The following WASHC5 variants were observed in gnomAD, a reference collection of about 807,000 sequenced individuals.
WASHC5 encodes WASH complex subunit 5.
In WASHC5, 101 loss-of-function variants were observed where a neutral mutation model predicts 150.4. That is an observed-to-expected ratio of 0.67 (90% CI 0.57 to 0.79). WASHC5 has a LOEUF of 0.79. WASHC5 is among the 30% of genes least tolerant of loss of function. WASHC5 has a pLI of 0.00. For missense variants in WASHC5, 1,195 were observed against 1,396.3 expected (o/e 0.86, Z 2.30); for synonymous variants, 467 against 491.2 (o/e 0.95, Z 0.65).
chr8:125,089,879 G>C (rs1817545530), intron 1 of WASHC5, among the ~76,000 whole-genome samples: 1 of 152,092 alleles, frequency 6.6e-6, no homozygotes, highest in South Asian at 2.1e-4. Flanking sequence ...CAAATATTAT[G>C]GGTCTTTATT....
chr8:125,039,545 T>C (rs1055747978), intron 24 of WASHC5, among the ~76,000 whole-genome samples: 1 of 152,170 alleles, frequency 6.6e-6, no homozygotes, highest in African/African-American at 2.4e-5. Flanking sequence ...TATTGAATCA[T>C]GTGATCAGTA....
Position 125,078,857 on chromosome 8 carries a change from G to A in WASHC5, c.592C>T (p.Gln198Ter), listed in dbSNP as rs755605454. Residue 198 changes from glutamine (Q) to a stop codon, truncating the protein, a stop_gained, in exon 6 of 29, where the codon CAA becomes TAA. Transcript: ENST00000318410. LOFTEE classifies it high-confidence loss of function. ...TTGGATGGTCTTTTGGCACCTGGTT[G>A]GCTAGAATAACCTGTACTTCGAAGC... ...KLLRSTGYSSQPGAKRPSNYP... is the reference protein window; with the variant it reads ...KLLRSTGYSS 2 of 1,613,898 alleles carry A rather than the reference G, an allele frequency of 1.2e-6. No homozygotes were observed. The highest frequency in any genetic ancestry group is 2.2e-5 in the South Asian group (2 of 91,064).
intron 16 of WASHC5, 71 bp from the exon 17 acceptor site, chr8:125,055,742 A>G: frequency 1.0e-6 from 1 of 966,058 alleles, no homozygotes; most frequent in African/African-American, 1.6e-5. Context: ...ATAACAGGAA[A>G]AGAACTTGTA....
chr8:125,046,735 G>C (rs1456324821), intron 20 of WASHC5, among the ~76,000 whole-genome samples: 1 of 151,548 alleles, frequency 6.6e-6, no homozygotes, highest in Non-Finnish European at 1.5e-5. Flanking sequence ...ATTAGTTGTT[G>C]CTATCAAAAG....
intron 5 of WASHC5, 112 bp from the exon 6 acceptor site, chr8:125,079,042 G>A: frequency 1.2e-6 from 1 of 828,648 alleles, no homozygotes; most frequent in Non-Finnish European, 2.0e-6. Context: ...TTTCAGATAT[G>A]ATCACAGGTC....
chr8:125,075,017 AG>A lies in WASHC5; in HGVS notation c.958del (p.Leu320PhefsTer26), dbSNP rs1484203664. On this transcript the variant is annotated frameshift_variant, in exon 8 of 29. Transcript: ENST00000318410. LOFTEE classifies it high-confidence loss of function. ...AKTALNNTLD[L>X]SNVREQASRY... ...ACCTACCTGTTCTCTGACATTTGAA[AG>A]GTCCAGGGTATTATTTAAAGCAGTT... 6.2e-7 allele frequency: 1 copy of A among 1,609,250 alleles called. No homozygotes were observed. The highest frequency in any genetic ancestry group is 1.7e-5 in the Admixed American group (1 of 60,014).
chr8:125,073,065 GC>G, intron 9 of WASHC5, 87 bp downstream of exon 9: 2 of 1,423,730 alleles, frequency 1.4e-6, no homozygotes, highest in South Asian at 2.3e-5. Flanking sequence ...CTCTCTCCCT[GC>G]TAAACCACTC....
Position 125,059,236 on chromosome 8 carries a change from C to A in WASHC5, c.1750G>T (p.Ala584Ser). 3.7e-6 allele frequency: 6 copies of A among 1,613,512 alleles called. No individual in the cohort carries two copies. The highest frequency in any genetic ancestry group is 5.1e-6 in the Non-Finnish European group (6 of 1,179,472). The change falls in exon 14 of 29, where the codon GCT becomes TCT. Residue 584 changes from alanine to serine, a missense_variant. By Grantham distance (99) the Ala-to-Ser change is moderately conservative. Transcript: ENST00000318410. ...TTTTTGCTTACCTTTAGGAAGGTAG[C>A]TCTGAGTTTAGTAACCATGGATGGA... ...VNPSMVTKLR[A>S]TFLKLASALD...
chr8:125,052,960 G>A (rs1816287512), intron 17 of WASHC5, among the ~76,000 whole-genome samples: 1 of 151,952 alleles, frequency 6.6e-6, no homozygotes, highest in South Asian at 2.1e-4. Flanking sequence ...CCTACAGTTG[G>A]GCAATATCAT....
At chr8:125,028,428 T>G (rs1815432514) in intron 28 of WASHC5, among the ~76,000 whole-genome samples, 192 bp downstream of exon 28, 1 of 152,166 alleles carries the variant, frequency 6.6e-6, no homozygotes, top group Non-Finnish European at 1.5e-5. Context: ...GGCATTGTGT[T>G]AAACTCTGCA....
chr8:125,070,594 C>T (rs112038908), intron 9 of WASHC5, among the ~76,000 whole-genome samples: 8 of 152,272 alleles, frequency 5.3e-5, no homozygotes, highest in East Asian at 3.9e-4. Context: ...GTTGTTTATA[C>T]GCTTGTGAAT....
chr8:125,079,890 G>A (rs1817198100), intron 5 of WASHC5, among the ~76,000 whole-genome samples: 2 of 152,078 alleles, frequency 1.3e-5, no homozygotes, highest in Non-Finnish European at 1.5e-5. Flanking sequence ...TTTTTTCAGA[G>A]CTCTTTGGAT....
chr8:125,088,340 G>C (rs1355197853), intron 1 of WASHC5, among the ~76,000 whole-genome samples: 1 of 149,880 alleles, frequency 6.7e-6, no homozygotes, highest in Non-Finnish European at 1.5e-5. Flanking sequence ...CAGGAGAATT[G>C]CTTAAACCCA....
chr8:125,063,691 A>C, intron 10 of WASHC5, 40 bp from the exon 11 acceptor site: 1 of 1,598,106 alleles, frequency 6.3e-7, no homozygotes, highest in Non-Finnish European at 8.6e-7. Flanking sequence ...CTTAAGAGAA[A>C]AATCCAGACT....
At chr8:125,051,890 A>G (rs11993476) in intron 17 of WASHC5, among the ~76,000 whole-genome samples, 6,907 of 152,264 alleles carry the variant, frequency 0.045, 519 homozygotes, top group African/African-American at 0.16. Flanking sequence ...CTCAAAAAAA[A>G]AGACTTAAAA....
At chr8:125,047,737 T>G (rs1816114775) in intron 19 of WASHC5, among the ~76,000 whole-genome samples, 1 of 152,136 alleles carries the variant, frequency 6.6e-6, no homozygotes, top group South Asian at 2.1e-4. Flanking sequence ...GTCTGGCTAA[T>G]TTTTGTGTTT....
At chr8:125,073,051 A>T in intron 9 of WASHC5, 102 bp downstream of exon 9, 2 of 1,235,300 alleles carry the variant, frequency 1.6e-6, no homozygotes, top group South Asian at 2.4e-5. Flanking sequence ...TTCTCATCCA[A>T]GGCCTCTCTC....
chr8:125,089,794 A>T (rs1024561155), intron 1 of WASHC5, among the ~76,000 whole-genome samples: 16 of 152,242 alleles, frequency 1.1e-4, no homozygotes, highest in Non-Finnish European at 2.2e-4. Context: ...CCCTTACTCA[A>T]GAATTACGCT....
chr8:125,037,390 G>C, intron 25 of WASHC5, 57 bp from the exon 26 acceptor site: 1 of 1,022,972 alleles, frequency 9.8e-7, no homozygotes, highest in Non-Finnish European at 1.5e-6. Context: ...CAATACCACA[G>C]AACAGGTTTC....
Sources: gnomAD v4.1 joint callset for allele counts (sites outside exome capture counted in the v4.1 genomes callset) on GRCh38, gnomAD v4.1.1 for gene constraint, MANE v1.5 for transcripts, NCBI Gene and HGNC (gene_info 2026-07-23, HGNC 2026-07-21) for gene names.